PRH1: variants seen among roughly 807,000 people sequenced by gnomAD.
PRH1 encodes proline rich protein HaeIII subfamily 1.
PRH1 carries 7 observed loss-of-function variants against 7.9 expected under a neutral mutation model. The observed-to-expected ratio is 0.89, with a 90% confidence interval of 0.50 to 1.67. The LOEUF (loss-of-function observed/expected upper bound fraction) is 1.67, where lower values mean the gene tolerates loss of function less well. Among genes scored for constraint, PRH1 ranks in the 40% most tolerant of loss-of-function variants. The pLI is 0.00. For synonymous variants in PRH1, 45 were observed against 80.8 expected (o/e 0.56, Z 2.38); for missense variants, 109 against 223.6 (o/e 0.49, Z 3.27).
intron 1 of PRH1, among the ~76,000 whole-genome samples, chr12:11,157,348 C>A (rs1379230163): frequency 1.3e-5 from 2 of 152,130 alleles, no homozygotes; most frequent in Non-Finnish European, 2.9e-5. Context: ...TATAACATGG[C>A]TTAATATTTA....
intron 2 of PRH1, among the ~76,000 whole-genome samples, chr12:10,966,675 G>T (rs1938513743): frequency 6.8e-6 from 1 of 146,256 alleles, no homozygotes; most frequent in Non-Finnish European, 1.5e-5. Context: ...TGTTGGAGAG[G>T]TTTCTCTGGC....
chr12:10,979,946 T>G (rs1236153635), intron 1 of PRH1, among the ~76,000 whole-genome samples: 1 of 152,076 alleles, frequency 6.6e-6, no homozygotes, highest in Non-Finnish European at 1.5e-5. Context: ...GATGAGTAAT[T>G]TGGTTTAGAC....
At chr12:10,936,003 T>A (rs959833044) in intron 2 of PRH1, among the ~76,000 whole-genome samples, 2 of 152,082 alleles carry the variant, frequency 1.3e-5, no homozygotes, top group African/African-American at 4.8e-5. Context: ...CCTACAAGAA[T>A]GAAAATGGGG....
rs1172438191 is a variant in PRH1 at position 11,079,345 on chromosome 12, T to G, written n.124-32157A>C. On this transcript the variant is annotated intron_variant and non_coding_transcript_variant, in intron 1 of 4. Coordinates refer to the PRH1 transcript ENST00000541977. ...CTGGAGTTTCTTGCTCTTTTCCATT[T>G]ACCGTGAGGACATCATCTGGCCAAT... 1.8e-5 allele frequency among the ~76,000 whole-genome samples: 2 copies of G among 113,822 alleles called. 1 individual carries two copies. The highest frequency in any genetic ancestry group is 4.1e-5 in the Non-Finnish European group (2 of 48,376). The allele number at this position is 113,822 out of a possible 152,430, so 74.7% of individuals were successfully genotyped here. A position where few individuals can be genotyped will look rare whatever the true frequency, so the allele number is the denominator to read the frequency against.
intron 1 of PRH1, among the ~76,000 whole-genome samples, chr12:11,170,193 T>A (rs984915714): frequency 1.3e-5 from 2 of 152,216 alleles, no homozygotes; most frequent in South Asian, 4.1e-4. Flanking sequence ...ACCATTTAAA[T>A]AACAAAAGTA....
intron 1 of PRH1, among the ~76,000 whole-genome samples, chr12:11,094,390 C>G (rs1426075161): frequency 1.9e-5 from 2 of 107,374 alleles, no homozygotes; most frequent in African/African-American, 6.3e-5. Context: ...TTCTCCTGCA[C>G]AAAAACATAA....
At chr12:10,929,051 C>A (rs1308504606) in intron 2 of PRH1, among the ~76,000 whole-genome samples, 1 of 152,196 alleles carries the variant, frequency 6.6e-6, no homozygotes, top group Non-Finnish European at 1.5e-5. Flanking sequence ...TAGAAATTAG[C>A]CACAAACAAC....
intron 1 of PRH1, chr12:11,030,296 G>A (rs1192513164): frequency 6.6e-7 from 1 of 1,507,126 alleles, no homozygotes. Flanking sequence ...TATACGTTGG[G>A]AAATTATTCA....
intron 2 of PRH1, among the ~76,000 whole-genome samples, chr12:10,923,186 T>G (rs71453407): frequency 6.6e-6 from 1 of 150,420 alleles, no homozygotes; most frequent in South Asian, 2.1e-4. Flanking sequence ...AGTTCAATGG[T>G]GTGATCTTGG....
rs376902256 is a variant in PRH1, at chr12:11,158,241, CT to C, written n.39+13180del. ...TTTGCAAGCAAAATTCTCTTAACTG[CT>C]TCATTACATTCCCAGCTACTGTGAT... On this transcript the variant is annotated intron_variant and non_coding_transcript_variant, in intron 1 of 1. Coordinates refer to the PRH1 transcript ENST00000541175. Among the ~76,000 whole-genome samples the C allele has an allele frequency of 2.7e-4, 41 of 152,232 alleles. No homozygotes were observed. The East Asian group carries it at 7.5e-3, about 28-fold the overall frequency.
chr12:10,939,143 A>G, intron 2 of PRH1: 3 of 1,601,776 alleles, frequency 1.9e-6, no homozygotes, highest in South Asian at 1.1e-5. Flanking sequence ...ACTATTTCCT[A>G]AATTTCCAAT....
At position 10,883,049 on chromosome 12, in the gene PRH1, A is replaced by T. The variant is rs376828759; in HGVS notation, c.100+12T>A. On this transcript the variant is annotated intron_variant, in intron 2 of 3. Transcript: ENST00000543626. ...TGGAGACAGAGTTTACTGAGAATTT[A>T]TTGGGATTTACCTGATATTACGAGG... 11 of 1,609,912 alleles carry T rather than the reference A, an allele frequency of 6.8e-6. No homozygotes were observed. The African/African-American group carries it at 1.1e-4, about 16-fold the overall frequency.
At chr12:10,935,843 T>C (rs1950279539) in intron 2 of PRH1, among the ~76,000 whole-genome samples, 7 of 152,052 alleles carry the variant, frequency 4.6e-5, no homozygotes, top group Admixed American at 4.6e-4. Context: ...GGGATCCAGA[T>C]TGAGGAGTTA....
rs561630652 is a variant in PRH1, at chr12:11,098,731, C to CT, written n.124-51544dup. Among the ~76,000 whole-genome samples, 61 of 152,316 alleles carry CT rather than the reference C, an allele frequency of 4.0e-4. 1 individual carries two copies. The South Asian group carries it at 0.013, about 32-fold the overall frequency. The stretch of plus-strand genomic sequence containing the variant: ...TTTTATCAAAAGCATCTAAGATTTT[C>CT]TTGAGAACCACAGGCAGGCCAATAC... On this transcript the variant is annotated intron_variant and non_coding_transcript_variant, in intron 1 of 4. Coordinates refer to the PRH1 transcript ENST00000541977.
At chr12:10,942,174 T>C (rs1950412166) in intron 2 of PRH1, among the ~76,000 whole-genome samples, 1 of 152,164 alleles carries the variant, frequency 6.6e-6, no homozygotes, top group Admixed American at 6.5e-5. Flanking sequence ...GGGAGTTTAA[T>C]GCTCTATTTT....
At chr12:11,039,601 A>C (rs1173051329) in intron 1 of PRH1, among the ~76,000 whole-genome samples, 1 of 152,242 alleles carries the variant, frequency 6.6e-6, no homozygotes. Flanking sequence ...CATTGGTTTT[A>C]TTACCTGGTA....
At chr12:11,128,003 G>A (rs1162664228) in intron 1 of PRH1, among the ~76,000 whole-genome samples, 4 of 151,404 alleles carry the variant, frequency 2.6e-5, no homozygotes, top group Non-Finnish European at 5.9e-5. Flanking sequence ...CCAGCTACTC[G>A]GGGAGGCTGA....
At chr12:11,050,242 A>T (rs1261763777), upstream of PRH1, among the ~76,000 whole-genome samples, 1 of 152,208 alleles carries the variant, frequency 6.6e-6, no homozygotes, top group Non-Finnish European at 1.5e-5. Flanking sequence ...ACAGTAAGCC[A>T]GTGATAAGCA....
At chr12:11,087,331 G>A (rs796126298) in intron 1 of PRH1, among the ~76,000 whole-genome samples, 952 of 83,900 alleles carry the variant, frequency 0.011, 1 homozygote, top group Non-Finnish European at 0.015. Flanking sequence ...TGCTCTCAAG[G>A]GGTCCTCCCA....
Sources: allele counts gnomAD v4.1 joint callset (sites outside exome capture counted in the v4.1 genomes callset), GRCh38; gene constraint gnomAD v4.1.1; transcripts MANE v1.5; gene names NCBI Gene and HGNC (gene_info 2026-07-23, HGNC 2026-07-21).